PARP9: variants seen among roughly 807,000 people sequenced by gnomAD.
PARP9 encodes poly(ADP-ribose) polymerase family member 9.
A neutral mutation model predicts 68.8 loss-of-function variants in PARP9; 48 were observed. That is an observed-to-expected ratio of 0.70 (90% CI 0.55 to 0.89). The LOEUF is 0.89. Among genes scored for constraint, PARP9 ranks in the 40% least tolerant of loss-of-function variants. PARP9 has a pLI of 0.00. For missense variants in PARP9, 806 were observed against 969.3 expected, an observed-to-expected ratio of 0.83 and a Z score of 2.24; for synonymous variants, 309 against 333.8, an observed-to-expected ratio of 0.93 and a Z score of 0.81.
chr3:122,541,434 A>G (rs1283061141), intron 7 of PARP9, among the ~76,000 whole-genome samples: 3 of 152,188 alleles, frequency 2.0e-5, no homozygotes, highest in Admixed American at 6.5e-5. Context: ...TTCACAGATG[A>G]GTTCACCTTG....
chr3:122,534,534 T>C, intron 10 of PARP9: 1 of 707,300 alleles, frequency 1.4e-6, no homozygotes, highest in Non-Finnish European at 1.7e-6. Context: ...CTCCTTTTTA[T>C]ATCACTATAT....
chr3:122,560,202 G>A (rs11929034), intron 1 of PARP9, among the ~76,000 whole-genome samples: 21,913 of 152,112 alleles, frequency 0.14, 1,659 homozygotes, highest in Middle Eastern at 0.3. Context: ...TTGACCTAAT[G>A]ATAGGGGTAT....
chr3:122,529,290 T>C (rs1478928669), intron 10 of PARP9, among the ~76,000 whole-genome samples: 2 of 150,266 alleles, frequency 1.3e-5, no homozygotes, highest in Non-Finnish European at 3.0e-5. Context: ...AAGTTAATGG[T>C]TTTCAAAGTA....
intron 4 of PARP9, 98 bp from the exon 5 acceptor site, chr3:122,552,737 C>G: frequency 3.6e-6 from 3 of 842,838 alleles, no homozygotes; most frequent in Non-Finnish European, 5.5e-6. Flanking sequence ...GAAAAATACT[C>G]TTTGAAGATC....
At chr3:122,529,128 C>G (rs1459134589) in intron 10 of PARP9, among the ~76,000 whole-genome samples, 1 of 150,582 alleles carries the variant, frequency 6.6e-6, no homozygotes, top group Middle Eastern at 3.2e-3. Context: ...ATCCCAGCTA[C>G]TCAGGAGGCT....
rs768810518 is a variant in PARP9 at position 122,536,217 on chromosome 3, G to A, written c.2031C>T (p.Cys677=). 2 of 1,614,146 alleles carry A rather than the reference G, an allele frequency of 1.2e-6. No homozygotes were observed. Among genetic ancestry groups the A allele is most frequent in the Admixed American group, 3.3e-5 (2 of 60,018 alleles). ...RLFQQVPYQF[C]NVVCRVGFQR... is the part of the protein sequence containing the mutation. ...GAAAGCCAACTCTGCATACCACATT[G>A]CAGAACTGGTATGGGACTTGCTGAA... is the stretch of plus-strand genomic sequence containing the variant. Residue 677 remains cysteine, a synonymous_variant, in exon 10 of 11, where the codon TGC becomes TGT. Transcript: ENST00000682323.
At chr3:122,553,815 C>T (rs1296567682) in intron 4 of PARP9, among the ~76,000 whole-genome samples, 2 of 152,198 alleles carry the variant, frequency 1.3e-5, no homozygotes, top group African/African-American at 4.8e-5. Flanking sequence ...TGCCTTCTCC[C>T]TCCTGCCCCC....
chr3:122,563,122 T>C (rs931631159), intron 1 of PARP9, among the ~76,000 whole-genome samples: 11 of 152,188 alleles, frequency 7.2e-5, no homozygotes, highest in African/African-American at 2.4e-4. Flanking sequence ...AAATGTGTCC[T>C]CCACACGGTT....
rs971953959 is a variant in PARP9, at chr3:122,555,336, C to A, written c.835G>T (p.Val279Leu). 5.0e-6 allele frequency: 8 copies of A among 1,613,984 alleles called. No homozygotes were observed. The South Asian group carries it at 8.8e-5, about 18-fold the overall frequency. ...ETTPSFNAMV[V>L]NNLTLQIVQG... ...ACAATCTGGAGGGTCAGGTTGTTCA[C>A]GACCATTGCATTGAAAGAAGGGGTG... The change falls in exon 4 of 11, where the codon GTG (valine) becomes TTG (leucine). Residue 279 changes from valine (V) to leucine (L), a missense_variant. Physicochemically the swap from Val to Leu is conservative, Grantham distance 32. Around this residue, in one of 2 missense-constraint regions of PARP9, gnomAD observed 680 missense variants for 858.8 expected, o/e 0.79. Coordinates refer to ENST00000682323, the MANE Select transcript of PARP9 (RefSeq NM_001146105.2).
At chr3:122,550,480 T>G in intron 6 of PARP9, 104 bp downstream of exon 6, 1 of 953,078 alleles carries the variant, frequency 1.0e-6, no homozygotes, top group Non-Finnish European at 1.6e-6. Context: ...GTACAGCACC[T>G]AGCCCTGCAT....
chr3:122,541,466 CTAAG>C (rs2078227282), intron 7 of PARP9, among the ~76,000 whole-genome samples: 2 of 152,184 alleles, frequency 1.3e-5, no homozygotes, highest in Non-Finnish European at 1.5e-5. Context: ...TGGATGTTAA[CTAAG>C]TATTATTTCC....
chr3:122,540,404 C>T (rs1161481331), intron 8 of PARP9, 68 bp downstream of exon 8: 7 of 1,562,192 alleles, frequency 4.5e-6, no homozygotes, highest in Non-Finnish European at 6.1e-6. Flanking sequence ...TCCATACATA[C>T]ACGCTCACAC....
rs138236154 is a variant in PARP9, at chr3:122,532,035, T to C, written c.2081-3292A>G. ...AATGGAAATCTCGGAATAAGAACAA[T>C]TGGAGGGACTCACAGAGCAGACAGG... On this transcript the variant is annotated intron_variant, in intron 10 of 10. Coordinates refer to ENST00000682323, the MANE Select transcript of PARP9 (RefSeq NM_001146105.2). The C allele has an allele frequency of 7.4e-5, 39 of 529,858 alleles. 1 individual carries two copies. The South Asian group carries it at 8.1e-4, about 11-fold the overall frequency. 32.8% of individuals were successfully genotyped at this position (529,858 alleles called of 1,614,324 possible).
chr3:122,537,161 G>A (rs1023797954), intron 8 of PARP9, 88 bp from the exon 9 acceptor site: 14 of 1,367,246 alleles, frequency 1.0e-5, no homozygotes, highest in Non-Finnish European at 1.4e-5. Flanking sequence ...AAATTTAGAG[G>A]AAGGGATTAG....
chr3:122,556,119 T>A lies in PARP9; in HGVS notation c.52A>T (p.Thr18Ser). 1.6e-6 allele frequency: 1 copy of A among 612,682 alleles called. No homozygotes were observed. Among genetic ancestry groups the A allele is most frequent in the Non-Finnish European group, 2.4e-6 (1 of 412,354 alleles). The allele number at this position is 612,682 out of a possible 1,614,324, so 38.0% of individuals were successfully genotyped here. A position where few individuals can be genotyped will look rare whatever the true frequency, so the allele number is the denominator to read the frequency against. ...GAAAYNEKSETGALGENYSWQ... is the reference protein window; with the variant it reads ...GAAAYNEKSESGALGENYSWQ... ...CTATAGTTTTCTCCAAGAGCACCAG[T>A]CTCTGGAAAAGAAGAGAAGATTAAA... Residue 18 changes from threonine (T) to serine (S), a missense_variant and splice_region_variant, in exon 4 of 11, where the codon ACT becomes TCT. Coordinates refer to ENST00000682323, the MANE Select transcript of PARP9 (RefSeq NM_001146105.2).
rs1187477157 is a variant in PARP9 at position 122,555,632 on chromosome 3, C to T, written c.539G>A (p.Arg180Lys). 6.2e-7 allele frequency: 1 copy of T among 1,614,118 alleles called. No homozygotes were observed. The highest frequency in any genetic ancestry group is 8.5e-7 in the Non-Finnish European group (1 of 1,180,012). ...DKQGCTGKLQ[R>K]AIVSILNYVI... ...ATAATTCAGAATACTTACAATGGCC[C>T]TCTGCAGCTTTCCAGTACATCCCTG... is the stretch of plus-strand genomic sequence containing the variant. Residue 180 changes from arginine to lysine, a missense_variant, in exon 4 of 11, where the codon AGG becomes AAG. Transcript: ENST00000682323.
intron 7 of PARP9, 73 bp from the exon 8 acceptor site, chr3:122,540,925 C>G (rs2078169852): frequency 3.4e-6 from 5 of 1,470,266 alleles, no homozygotes; most frequent in South Asian, 1.4e-5. Flanking sequence ...GAGTCTCGCT[C>G]TGTCTCACAA....
upstream of PARP9, chr3:122,564,413 C>A (rs768832909): frequency 3.7e-6 from 6 of 1,602,326 alleles, no homozygotes; most frequent in South Asian, 6.6e-5. Flanking sequence ...CGCGCCCTCC[C>A]GACGCGCAGA....
In PARP9 at chr3:122,536,682, T is replaced by C. The variant is rs2077670183; in HGVS notation, c.1905+252A>G. ...GATAAATGCTATTCCACTTCTTTTA[T>C]TTTGCTCAAAGACGGGCTTCCTGGA... On this transcript the variant is annotated intron_variant, in intron 9 of 10. Coordinates refer to ENST00000682323, the MANE Select transcript of PARP9 (RefSeq NM_001146105.2). 8 of 546,914 alleles carry C rather than the reference T, an allele frequency of 1.5e-5. No individual in the cohort carries two copies. In the South Asian group the frequency reaches 1.9e-4, roughly 13 times the overall value. The allele number at this position is 546,914 out of a possible 1,614,324, so 33.9% of individuals were successfully genotyped here.
Sources: allele counts gnomAD v4.1 joint callset (sites outside exome capture counted in the v4.1 genomes callset), GRCh38; gene constraint gnomAD v4.1.1; regional missense constraint gnomAD v4.1.1; transcripts MANE v1.5; gene names NCBI Gene and HGNC (gene_info 2026-07-23, HGNC 2026-07-21).